Variants in ADGRB3 observed in about 807,000 individuals in gnomAD.
The protein encoded by ADGRB3 is brain-specific angiogenesis inhibitor 3.
In ADGRB3, 37 loss-of-function variants were observed where a neutral mutation model predicts 193.4. The observed-to-expected ratio is 0.19, with a 90% CI of 0.15 to 0.25. The LOEUF is 0.25. Ranked by LOEUF, ADGRB3 falls within the 10% of genes least tolerant of loss-of-function variation. The pLI is 1.00. For synonymous variants in ADGRB3, 690 were observed against 644.2 expected (o/e 1.07, Z -1.08); for missense variants, 1,637 against 1,852.9 (o/e 0.88, Z 2.14).
intron 26 of ADGRB3, among the ~76,000 whole-genome samples, chr6:69,346,957 C>A (rs1469710745): frequency 6.6e-6 from 1 of 152,120 alleles, no homozygotes; most frequent in Admixed American, 6.5e-5. Flanking sequence ...TGGAACTAAC[C>A]CAAATGCCCA....
At chr6:68,731,839 T>C (rs1243285203) in intron 3 of ADGRB3, among the ~76,000 whole-genome samples, 1 of 151,714 alleles carries the variant, frequency 6.6e-6, no homozygotes, top group Non-Finnish European at 1.5e-5. Context: ...CAAAAATGTA[T>C]AATTGTTTTG....
At chr6:69,039,962 G>A (rs992316807) in intron 13 of ADGRB3, among the ~76,000 whole-genome samples, 1 of 151,888 alleles carries the variant, frequency 6.6e-6, no homozygotes, top group African/African-American at 2.4e-5. Flanking sequence ...GGATGGTCTC[G>A]ATCTCCTGAC....
chr6:69,234,927 C>A (rs2127258110), intron 18 of ADGRB3, 105 bp from the exon 19 acceptor site: 2 of 820,772 alleles, frequency 2.4e-6, no homozygotes, highest in African/African-American at 1.7e-5. Context: ...ACTATAACAA[C>A]TATATAGGCT....
intron 19 of ADGRB3, 122 bp downstream of exon 19, chr6:69,235,257 C>A: frequency 2.5e-6 from 2 of 788,414 alleles, no homozygotes; most frequent in Non-Finnish European, 4.1e-6. Context: ...ATTTTTACAA[C>A]AGAGTTATAA....
intron 28 of ADGRB3, among the ~76,000 whole-genome samples, chr6:69,359,425 G>A (rs1353467951): frequency 6.7e-6 from 1 of 150,354 alleles, no homozygotes; most frequent in Non-Finnish European, 1.5e-5. Context: ...ACATAAAAAG[G>A]CACAGCAAAA....
intron 17 of ADGRB3, among the ~76,000 whole-genome samples, chr6:69,148,041 C>G (rs1774555492): frequency 6.6e-6 from 1 of 152,040 alleles, no homozygotes; most frequent in African/African-American, 2.4e-5. Flanking sequence ...TGAAGTGTGT[C>G]TCTTGTAGGC....
intron 3 of ADGRB3, among the ~76,000 whole-genome samples, chr6:68,831,250 A>C (rs973909244): frequency 6.6e-6 from 1 of 150,920 alleles, no homozygotes; most frequent in African/African-American, 2.4e-5. Flanking sequence ...AGAAGAGCCC[A>C]AGGCTACTCA....
intron 20 of ADGRB3, among the ~76,000 whole-genome samples, chr6:69,308,648 TAA>T (rs1057274090): frequency 1.3e-5 from 2 of 151,604 alleles, no homozygotes; most frequent in Non-Finnish European, 3.0e-5. Context: ...ATAGAAAAGA[TAA>T]AAGAGTGGTA....
At chr6:68,807,983 A>G (rs1307206640) in intron 3 of ADGRB3, among the ~76,000 whole-genome samples, 2 of 152,126 alleles carry the variant, frequency 1.3e-5, no homozygotes, top group Non-Finnish European at 2.9e-5. Context: ...CCTAACTTTA[A>G]TATCTTTTTA....
At chr6:68,694,100 T>C (rs975212574) in intron 3 of ADGRB3, among the ~76,000 whole-genome samples, 1 of 152,044 alleles carries the variant, frequency 6.6e-6, no homozygotes, top group African/African-American at 2.4e-5. Context: ...TCTATACTAA[T>C]TGACAAATTA....
At chr6:69,332,352 G>T in intron 23 of ADGRB3, 5 of 985,426 alleles carry the variant, frequency 5.1e-6, no homozygotes, top group Non-Finnish European at 6.0e-6. Context: ...TTGTGAAAAA[G>T]ATTCTGGTGA....
chr6:69,357,586 T>C (rs1444910398), intron 28 of ADGRB3, among the ~76,000 whole-genome samples: 1 of 151,922 alleles, frequency 6.6e-6, no homozygotes, highest in Non-Finnish European at 1.5e-5. Context: ...TACATGGAGC[T>C]TTCAGATTCA....
intron 17 of ADGRB3, among the ~76,000 whole-genome samples, chr6:69,223,543 T>C (rs1765943625): frequency 1.3e-5 from 2 of 151,694 alleles, no homozygotes; most frequent in South Asian, 4.2e-4. Flanking sequence ...AGCCACACCA[T>C]AATTATAATT....
At chr6:69,105,111 A>C (rs1192625176) in intron 17 of ADGRB3, among the ~76,000 whole-genome samples, 1 of 152,202 alleles carries the variant, frequency 6.6e-6, no homozygotes, top group African/African-American at 2.4e-5. Context: ...TGTGCTCCAC[A>C]AACTCTCAAT....
chr6:69,158,009 CTCTAA>C (rs1774891208), intron 17 of ADGRB3, among the ~76,000 whole-genome samples: 1 of 152,064 alleles, frequency 6.6e-6, no homozygotes, highest in African/African-American at 2.4e-5. Context: ...GAATCATCCT[CTCTAA>C]TCTACTCTCT....
chr6:69,341,426 A>T (rs1768971776), intron 26 of ADGRB3, among the ~76,000 whole-genome samples: 1 of 151,752 alleles, frequency 6.6e-6, no homozygotes, highest in Admixed American at 6.6e-5. Context: ...TAAGATACAG[A>T]TGTCCATAAT....
intron 13 of ADGRB3, among the ~76,000 whole-genome samples, chr6:69,030,097 T>TA (rs1206157305): frequency 6.6e-6 from 1 of 151,734 alleles, no homozygotes; most frequent in East Asian, 1.9e-4. Flanking sequence ...TGGCAATCAT[T>TA]AAAAAGTCAG....
chr6:69,243,916 A>G (rs1467849450), intron 20 of ADGRB3, among the ~76,000 whole-genome samples: 2 of 152,116 alleles, frequency 1.3e-5, no homozygotes, highest in Non-Finnish European at 2.9e-5. Flanking sequence ...TATTATAACA[A>G]GCCTACAAAT....
intron 3 of ADGRB3, among the ~76,000 whole-genome samples, chr6:68,903,500 C>T (rs1341284478): frequency 1.3e-5 from 2 of 152,044 alleles, no homozygotes; most frequent in Non-Finnish European, 2.9e-5. Context: ...GAACTAATAA[C>T]ACAATATCCC....
Sources: allele counts gnomAD v4.1 joint callset (sites outside exome capture counted in the v4.1 genomes callset), GRCh38; gene constraint gnomAD v4.1.1; transcripts MANE v1.5; gene names NCBI Gene and HGNC (gene_info 2026-07-23, HGNC 2026-07-21).